HEATR4: variants seen among roughly 807,000 people sequenced by gnomAD.
The protein encoded by HEATR4 is HEAT repeat containing 4, also known as HEAT repeat-containing protein 4.
In HEATR4, 95 loss-of-function variants were observed where a neutral mutation model predicts 108.8. The ratio of observed to expected loss-of-function variants is 0.87; its 90% confidence interval spans 0.74 to 1.04. HEATR4 has a LOEUF of 1.04. Ranked by LOEUF, HEATR4 falls within the 50% of genes least tolerant of loss-of-function variation. HEATR4 has a pLI of 0.00. For synonymous variants in HEATR4, 443 were observed against 459.4 expected, an observed-to-expected ratio of 0.96 and a Z score of 0.46; for missense variants, 1,152 against 1,253.8, an observed-to-expected ratio of 0.92 and a Z score of 1.23.
At chr14:73,580,024 G>C in the HEATR4 span, among the ~76,000 whole-genome samples, 1 of 152,140 alleles carries the variant, frequency 6.6e-6, no homozygotes, top group Admixed American at 6.6e-5. Flanking sequence ...CTTGAACCTG[G>C]GAGTCGGAGG....
chr14:73,521,042 T>C lies in HEATR4; in HGVS notation c.882-3A>G, dbSNP rs1446882680. The C allele has an allele frequency of 3.7e-6, 6 of 1,612,234 alleles. No individual in the cohort carries two copies. The highest frequency in any genetic ancestry group is 5.1e-6 in the Non-Finnish European group (6 of 1,178,890). The stretch of plus-strand genomic sequence containing the variant: ...CTTGTTGGAAGTAACTGGGCAATCT[T>C]GGCAGGGGTGAGAAAGGAGGGAAAA... On this transcript the variant is annotated splice_region_variant and splice_polypyrimidine_tract_variant and intron_variant, in intron 3 of 17. Transcript: ENST00000553558.
rs534847539 is a variant in HEATR4, at chr14:73,507,966, G to A, written c.1881+168C>T. On this transcript the variant is annotated intron_variant, in intron 9 of 17. Coordinates refer to ENST00000553558, the MANE Select transcript of HEATR4 (RefSeq NM_001220484.1). Reference sequence around the variant, plus strand: ...CACCCATGTTGGCCAGTCTGGTCTCGAACTCCTGACCTCAAGTGATCCACC... The same window carrying A: ...CACCCATGTTGGCCAGTCTGGTCTCAAACTCCTGACCTCAAGTGATCCACC... 4.6e-5 allele frequency among the ~76,000 whole-genome samples: 7 copies of A among 152,190 alleles called. No homozygotes were observed. The South Asian group carries it at 1.2e-3, about 27-fold the overall frequency.
At position 73,519,144 on chromosome 14, in the gene HEATR4, G is replaced by A; in HGVS notation, c.1089C>T (p.His363=). 2 of 1,613,140 alleles carry A rather than the reference G, an allele frequency of 1.2e-6. No homozygotes were observed. The highest frequency in any genetic ancestry group is 1.7e-6 in the Non-Finnish European group (2 of 1,179,546). ...EIYFDEVQII[H]QIGAKRDQIV... ...TCTGGTCTCTCTTTGCACCAATCTGGTGGATGATCTGGACTTCATCTGTGA... is the reference window on the plus strand; with the variant it reads ...TCTGGTCTCTCTTTGCACCAATCTGATGGATGATCTGGACTTCATCTGTGA... Residue 363 remains histidine (H), a synonymous_variant, in exon 5 of 18, where the codon CAC becomes CAT. Coordinates refer to ENST00000553558, the MANE Select transcript of HEATR4 (RefSeq NM_001220484.1).
At chr14:73,582,390 T>C in the HEATR4 span, 40 of 151,076 alleles carry the variant, frequency 2.6e-4, 4 homozygotes, top group African/African-American at 9.9e-4. Context: ...AGGTCCTGCG[T>C]AGCAATGAAA....
At chr14:73,584,134 A>C in the HEATR4 span, among the ~76,000 whole-genome samples, 15 of 147,256 alleles carry the variant, frequency 1.0e-4, no homozygotes, top group Non-Finnish European at 2.3e-4. Context: ...AAAGGTAAAG[A>C]GAGCACAGAG....
the HEATR4 span, chr14:73,595,839 A>G: frequency 1.6e-6 from 1 of 613,334 alleles, no homozygotes; most frequent in South Asian, 5.3e-5. Flanking sequence ...TTGTTGTAGA[A>G]GATTAAGAGG....
At chr14:73,513,727 C>CA (rs1887407718) in intron 6 of HEATR4, among the ~76,000 whole-genome samples, 1 of 26,576 alleles carries the variant, frequency 3.8e-5, no homozygotes, top group African/African-American at 1.5e-4. Context: ...AACTACGTCT[C>CA]CAAAAAAAAA....
Position 73,537,118 on chromosome 14 carries a change from G to A in HEATR4, c.-151-6874C>T, listed in dbSNP as rs1888887957. 3 of 265,430 alleles carry A rather than the reference G, an allele frequency of 1.1e-5. 1 individual carries two copies. In the South Asian group the frequency reaches 1.6e-4, roughly 14 times the overall value. 16.4% of individuals were successfully genotyped at this position (265,430 alleles called of 1,614,324 possible). ...CCTGCCTCAGCCTCCCGAGTAGCCG[G>A]GACGAACCAGTCCTGGCCCAGCCCA... On this transcript the variant is annotated intron_variant, in intron 1 of 17. Transcript: ENST00000553558.
At chr14:73,507,970 TC>T (rs1475832775) in intron 9 of HEATR4, among the ~76,000 whole-genome samples, 163 bp downstream of exon 9, 2 of 152,330 alleles carry the variant, frequency 1.3e-5, no homozygotes, top group African/African-American at 4.8e-5. Context: ...GGTCTCGAAC[TC>T]CTGACCTCAA....
chr14:73,501,569 CTTTTTTTT>C (rs1204245183), intron 11 of HEATR4, among the ~76,000 whole-genome samples: 1 of 108,154 alleles, frequency 9.2e-6, no homozygotes, highest in African/African-American at 3.5e-5. Flanking sequence ...GTCTCTCTCT[CTTTTTTTT>C]TTTTTTTTTT....
chr14:73,593,336 CTT>C, the HEATR4 span, among the ~76,000 whole-genome samples: 26,767 of 103,330 alleles, frequency 0.26, 1,726 homozygotes, highest in African/African-American at 0.38. Context: ...TTCTTTCTTT[CTT>C]TTTTTTTTTT....
the HEATR4 span, chr14:73,617,305 A>G: frequency 7.1e-7 from 1 of 1,416,168 alleles, no homozygotes; most frequent in South Asian, 1.2e-5. Context: ...GGAGATACCA[A>G]GTCTCCTTCA....
intron 1 of HEATR4, among the ~76,000 whole-genome samples, chr14:73,558,166 G>T (rs1428208195): frequency 7.9e-6 from 1 of 126,628 alleles, no homozygotes; most frequent in Non-Finnish European, 1.7e-5. Flanking sequence ...CCTGGTTAGT[G>T]GGGAGAGTGG....
chr14:73,573,768 C>G, the HEATR4 span, among the ~76,000 whole-genome samples: 1 of 151,842 alleles, frequency 6.6e-6, no homozygotes. Flanking sequence ...CACTCTGTTG[C>G]CAGGCTGGAG....
the HEATR4 span, among the ~76,000 whole-genome samples, chr14:73,588,226 C>T: frequency 1.3e-5 from 2 of 152,108 alleles, no homozygotes; most frequent in African/African-American, 4.8e-5. Context: ...TCTCAAACTC[C>T]TGACCTCAAG....
chr14:73,592,210 T>G, the HEATR4 span: 1 of 1,612,556 alleles, frequency 6.2e-7, no homozygotes, highest in Non-Finnish European at 8.5e-7. Flanking sequence ...CTCTGGGCCC[T>G]GGAACCCGAG....
At chr14:73,614,657 G>T in the HEATR4 span, among the ~76,000 whole-genome samples, 1 of 150,872 alleles carries the variant, frequency 6.6e-6, no homozygotes, top group Non-Finnish European at 1.5e-5. Context: ...TGAGGTGGGA[G>T]AATCGCTTGA....
the HEATR4 span, among the ~76,000 whole-genome samples, chr14:73,583,623 G>C: frequency 4.6e-5 from 7 of 152,128 alleles, no homozygotes; most frequent in African/African-American, 1.7e-4. Flanking sequence ...ACAATCTCCT[G>C]ATGATCCACA....
intron 7 of HEATR4, 140 bp from the exon 8 acceptor site, chr14:73,509,613 C>T (rs1014321093): frequency 1.2e-6 from 1 of 803,476 alleles, no homozygotes; most frequent in African/African-American, 1.7e-5. Flanking sequence ...TACAGTTTAG[C>T]TGAGCCCTTC....
Sources: allele counts gnomAD v4.1 joint callset (sites outside exome capture counted in the v4.1 genomes callset), GRCh38; gene constraint gnomAD v4.1.1; transcripts MANE v1.5; gene names NCBI Gene and HGNC (gene_info 2026-07-23, HGNC 2026-07-21).